ZAN: variants seen among roughly 807,000 people sequenced by gnomAD.
ZAN encodes zonadhesin.
ZAN carries 260 observed loss-of-function variants against 286.2 expected under a neutral mutation model. The observed-to-expected ratio is 0.91, with a 90% CI of 0.82 to 1.01. The LOEUF is 1.01. ZAN is among the 50% of genes least tolerant of loss of function. The probability of loss-of-function intolerance (pLI) is 0.00; values close to 1 mark genes in which losing one functional copy is unlikely to be tolerated. For synonymous variants in ZAN, 1,368 were observed against 1,417.5 expected (o/e 0.97, Z 0.79); for missense variants, 3,410 against 3,639.2 (o/e 0.94, Z 1.62).
chr7:100,784,476 T>C (rs1443816608), intron 35 of ZAN, 147 bp from the exon 36 acceptor site: 1 of 775,252 alleles, frequency 1.3e-6, no homozygotes, highest in Non-Finnish European at 2.0e-6. Flanking sequence ...CCATACTCAG[T>C]AAATGTTTGC....
intron 29 of ZAN, among the ~76,000 whole-genome samples, chr7:100,772,996 C>A (rs1810489857): frequency 6.6e-6 from 1 of 151,598 alleles, no homozygotes; most frequent in Admixed American, 6.6e-5. Flanking sequence ...CTCAGCCACC[C>A]AAGTAGCTGG....
Position 100,736,971 on chromosome 7 carries a change from G to C in ZAN, c.416G>C (p.Gly139Ala), listed in dbSNP as rs758520374. ...GAQLRLLLLS[G>A]EEGRRPDVLW... ...CAGCTCAGGCTGCTGCTGCTCTCGG[G>C]TGAAGAGGGCCGCCGCCCCGATGTG... The change falls in exon 5 of 48, where the codon GGT becomes GCT. Residue 139 changes from glycine to alanine, a missense_variant. Gly to Ala is a moderately conservative substitution (Grantham distance 60, BLOSUM62 0). Around this residue, in one of 7 missense-constraint regions of ZAN, gnomAD observed 872 missense variants for 938.9 expected, o/e 0.93. Coordinates refer to ENST00000613979, the MANE Select transcript of ZAN (RefSeq NM_003386.3). The C allele has an allele frequency of 1.3e-6, 2 of 1,504,426 alleles. No individual in the cohort carries two copies. Among genetic ancestry groups the C allele is most frequent in the South Asian group, 2.3e-5 (2 of 86,438 alleles). 93.2% of individuals were successfully genotyped at this position (1,504,426 alleles called of 1,614,324 possible). A position where few individuals can be genotyped will look rare whatever the true frequency, so the allele number is the denominator to read the frequency against.
At chr7:100,738,326 G>C (rs1258798139) in intron 6 of ZAN, 135 bp from the exon 7 acceptor site, 2 of 840,570 alleles carry the variant, frequency 2.4e-6, no homozygotes, top group African/African-American at 3.5e-5. Flanking sequence ...GTTGAGGTGG[G>C]AGGACCGCTT....
In ZAN at chr7:100,752,917, A is replaced by C. The variant is rs1808864862; in HGVS notation, c.2812A>C (p.Thr938Pro). 2 of 1,611,294 alleles carry C rather than the reference A, an allele frequency of 1.2e-6. No homozygotes were observed. Among genetic ancestry groups the C allele is most frequent in the African/African-American group, 1.3e-5 (1 of 74,312 alleles). The change falls in exon 14 of 48, where the codon ACA (threonine) becomes CCA (proline). Residue 938 changes from threonine (T) to proline (P), a missense_variant. By Grantham distance (38) the Thr-to-Pro change is conservative. Transcript: ENST00000613979. ...TIPTEETTISTEKLTIPTEKP... is the reference protein window; with the variant it reads ...TIPTEETTISPEKLTIPTEKP... ...CCCCACTGAAGAGACTACCATCTCCACAGAAAAACTCACCATCCCCACAGA... is the reference window on the plus strand; with the variant it reads ...CCCCACTGAAGAGACTACCATCTCCCCAGAAAAACTCACCATCCCCACAGA...
At chr7:100,784,903 C>T in intron 36 of ZAN, 69 bp downstream of exon 36, 3 of 1,443,722 alleles carry the variant, frequency 2.1e-6, no homozygotes, top group Non-Finnish European at 2.8e-6. Flanking sequence ...CTTTTCTCTG[C>T]CTCTCTCAGC....
chr7:100,738,871 T>TCTTCTTCTTCTTCTCCTTCTCCCTCTC lies in ZAN; in HGVS notation c.766+263_766+264insTCTTCTTCTCCTTCTCCCTCTCCTTCT, dbSNP rs1562911218. Among the ~76,000 whole-genome samples the TCTTCTTCTTCTTCTCCTTCTCCCTCTC allele has an allele frequency of 8.4e-5, 2 of 23,704 alleles. 1 individual carries two copies. The highest frequency in any genetic ancestry group is 1.8e-4 in the Non-Finnish European group (2 of 11,188). The allele number at this position is 23,704 out of a possible 152,430, so 15.6% of individuals were successfully genotyped here. A position where few individuals can be genotyped will look rare whatever the true frequency, so the allele number is the denominator to read the frequency against. On this transcript the variant is annotated intron_variant, in intron 7 of 47. Transcript: ENST00000613979. ...TTCTTCTTCTTTCTCTTCCTCTTCT[T>TCTTCTTCTTCTTCTCCTTCTCCCTCTC]CTTCTCCCTCTCCCTCTCCCTCTCC...
chr7:100,791,145 G>A (rs749719839), intron 40 of ZAN, 32 bp downstream of exon 40: 22 of 1,595,602 alleles, frequency 1.4e-5, no homozygotes, highest in Admixed American at 1.7e-5. Context: ...AGGCGGGGGA[G>A]GTGAACAACA....
intron 7 of ZAN, among the ~76,000 whole-genome samples, chr7:100,743,371 C>A (rs1807949409): frequency 6.6e-6 from 1 of 151,898 alleles, no homozygotes; most frequent in South Asian, 2.1e-4. Context: ...TTCTTTCCAC[C>A]ACCTCCCTGT....
At chr7:100,751,622 C>T in intron 13 of ZAN, 90 bp from the exon 14 acceptor site, 1 of 1,412,440 alleles carries the variant, frequency 7.1e-7, no homozygotes, top group Middle Eastern at 1.8e-4. Context: ...GAATAAGCCA[C>T]CCATGGGAGC....
intron 19 of ZAN, among the ~76,000 whole-genome samples, chr7:100,761,185 C>A (rs59854860): frequency 0.036 from 5,491 of 152,182 alleles, 172 homozygotes; most frequent in African/African-American, 0.078. Context: ...AGCCACTGTG[C>A]CCGGCGAAAG....
In ZAN at chr7:100,792,365, C is replaced by A. The variant is rs1390166203; in HGVS notation, c.7713-40C>A. The A allele has an allele frequency of 2.6e-6, 4 of 1,566,800 alleles. No homozygotes were observed. The African/African-American group carries it at 5.4e-5, about 21-fold the overall frequency. ...TGCAGGGGTGGGTCTCCTCCCCTCC[C>A]CAAACTGACTGTGCCCTTCCTGCCC... is the stretch of plus-strand genomic sequence containing the variant. On this transcript the variant is annotated intron_variant, in intron 41 of 47. Transcript: ENST00000613979.
At position 100,739,847 on chromosome 7, in the gene ZAN, G is replaced by A. The variant is rs111308871; in HGVS notation, c.766+1234G>A. 2.9e-5 allele frequency among the ~76,000 whole-genome samples: 4 copies of A among 137,722 alleles called. 1 individual carries two copies. The highest frequency in any genetic ancestry group is 4.9e-5 in the Non-Finnish European group (3 of 61,758). The allele number at this position is 137,722 out of a possible 152,430, so 90.4% of individuals were successfully genotyped here. On this transcript the variant is annotated intron_variant, in intron 7 of 47. Coordinates refer to ENST00000613979, the MANE Select transcript of ZAN (RefSeq NM_003386.3). ...TAATTTTTGTGTTTTTAGTAGAGAC[G>A]GGGTTTCACCACGTTGGCCAGGCTG...
At chr7:100,761,158 T>C (rs975514457) in intron 19 of ZAN, among the ~76,000 whole-genome samples, 2 of 151,996 alleles carry the variant, frequency 1.3e-5, no homozygotes, top group African/African-American at 4.8e-5. Context: ...CCTCCCAAAG[T>C]CTTGGAATTA....
Position 100,758,630 on chromosome 7 carries a change from A to C in ZAN, c.3551A>C (p.Gln1184Pro). The C allele has an allele frequency of 5.8e-6, 9 of 1,556,770 alleles. No individual in the cohort carries two copies. Among genetic ancestry groups the C allele is most frequent in the Non-Finnish European group, 7.8e-6 (9 of 1,150,068 alleles). ...GGCAAGTGCACTTACATCTTGGCCC[A>C]GCCCTGTGGCAACTCAACAGGTAGG... ...FMGKCTYILA[Q>P]PCGNSTDPFF... Residue 1184 changes from glutamine (Q) to proline (P), a missense_variant, in exon 17 of 48, where the codon CAG (glutamine) becomes CCG (proline). This residue lies in a region of ZAN where 1,042 missense variants were observed against 1,058.0 expected (regional missense o/e 0.98). Transcript: ENST00000613979.
rs996636737 is a variant in ZAN, at chr7:100,778,947, C to T, written c.6318-499C>T. Among the ~76,000 whole-genome samples, 8 of 152,094 alleles carry T rather than the reference C, an allele frequency of 5.3e-5. No homozygotes were observed. In the South Asian group the frequency reaches 6.2e-4, roughly 12 times the overall value. On this transcript the variant is annotated intron_variant, in intron 34 of 47. Transcript: ENST00000613979. ...ACTCAAAAGGCTAAGGCAGGAGAAT[C>T]GCTTTAACCTGAGACGTAGAGGTTG... is the stretch of plus-strand genomic sequence containing the variant.
chr7:100,779,933 G>T (rs1011285204), intron 35 of ZAN, among the ~76,000 whole-genome samples, 183 bp downstream of exon 35: 1 of 152,076 alleles, frequency 6.6e-6, no homozygotes, highest in South Asian at 2.1e-4. Flanking sequence ...GGTGGCTCAC[G>T]CCTATAATCC....
Position 100,735,644 on chromosome 7 carries a change from G to A in ZAN, c.54-76G>A, listed in dbSNP as rs1028180191. The stretch of plus-strand genomic sequence containing the variant: ...TCATCCTTACGTGACCACTCAGAAA[G>A]CTCACAGTCACTGAATCTTATAATT... On this transcript the variant is annotated intron_variant, in intron 2 of 47. Coordinates refer to ENST00000613979, the MANE Select transcript of ZAN (RefSeq NM_003386.3). 6 of 1,141,684 alleles carry A rather than the reference G, an allele frequency of 5.3e-6. No individual in the cohort carries two copies. In the African/African-American group the frequency reaches 9.5e-5, roughly 18 times the overall value. The allele number at this position is 1,141,684 out of a possible 1,614,324, so 70.7% of individuals were successfully genotyped here.
At position 100,773,472 on chromosome 7, in the gene ZAN, C is replaced by T; in HGVS notation, c.5613C>T (p.Asp1871=). ...CVPLGQCGCT[D]PAGSYHPVGE... is the part of the protein sequence containing the mutation. ...CCCTTGGCCAGTGTGGCTGCACTGA[C>T]CCAGCGGGCTCCTACCACCCGGTGA... The change falls in exon 30 of 48, where the codon GAC becomes GAT. Residue 1871 remains aspartate (D), a synonymous_variant. Coordinates refer to ENST00000613979, the MANE Select transcript of ZAN (RefSeq NM_003386.3). 6.2e-7 allele frequency: 1 copy of T among 1,613,748 alleles called. No homozygotes were observed. The highest frequency in any genetic ancestry group is 8.5e-7 in the Non-Finnish European group (1 of 1,179,872).
intron 3 of ZAN, 94 bp downstream of exon 3, chr7:100,735,866 G>C: frequency 9.8e-7 from 1 of 1,017,718 alleles, no homozygotes; most frequent in Non-Finnish European, 1.5e-6. Flanking sequence ...CCTAGCAGGA[G>C]CAGCCACCTC....
Sources: allele counts gnomAD v4.1 joint callset (sites outside exome capture counted in the v4.1 genomes callset), GRCh38; gene constraint gnomAD v4.1.1; regional missense constraint gnomAD v4.1.1; transcripts MANE v1.5; gene names NCBI Gene and HGNC (gene_info 2026-07-23, HGNC 2026-07-21).